FCHSD2: variants seen among roughly 807,000 people sequenced by gnomAD.
FCHSD2 encodes FCH and double SH3 domains 2.
A neutral mutation model predicts 108.1 loss-of-function variants in FCHSD2; 38 were observed. The ratio of observed to expected loss-of-function variants is 0.35; its 90% CI spans 0.27 to 0.46. The LOEUF is 0.46. Among genes scored for constraint, FCHSD2 ranks in the 20% least tolerant of loss-of-function variants. The pLI is 1.00. For synonymous variants in FCHSD2, 279 were observed against 314.7 expected (o/e 0.89, Z 1.20); for missense variants, 751 against 897.8 (o/e 0.84, Z 2.09).
At chr11:72,969,166 T>A (rs1192182631) in intron 8 of FCHSD2, among the ~76,000 whole-genome samples, 1 of 152,216 alleles carries the variant, frequency 6.6e-6, no homozygotes, top group Non-Finnish European at 1.5e-5. Context: ...AACTGTCCAG[T>A]GTAGCCATGT....
chr11:73,027,580 C>A (rs1251266207), intron 3 of FCHSD2, among the ~76,000 whole-genome samples: 1 of 152,182 alleles, frequency 6.6e-6, no homozygotes, highest in African/African-American at 2.4e-5. Context: ...AAAAGAAAAA[C>A]CAATTTTCTG....
intron 13 of FCHSD2, among the ~76,000 whole-genome samples, chr11:72,856,111 T>A (rs1265984741): frequency 6.6e-6 from 1 of 152,172 alleles, no homozygotes; most frequent in Non-Finnish European, 1.5e-5. Flanking sequence ...AGCCATTACA[T>A]TAATTAATTA....
intron 8 of FCHSD2, among the ~76,000 whole-genome samples, chr11:72,954,411 G>A (rs1856675861): frequency 6.6e-6 from 1 of 151,670 alleles, no homozygotes. Flanking sequence ...GTCTCACATT[G>A]CCCAGGATGA....
In FCHSD2 at chr11:72,841,515, G is replaced by A; in HGVS notation, c.1995C>T (p.Ser665=). 6.2e-7 allele frequency: 1 copy of A among 1,611,266 alleles called. No individual in the cohort carries two copies. ...TCCTCTTATCTGGGCTGGGGTAGGG[G>A]CTGCTGGGAGGCTGGTCGTACAACG... ...PLPLYDQPPS[S]PYPSPDKRSS... is the part of the protein sequence containing the mutation. Residue 665 remains serine, a synonymous_variant, in exon 18 of 20, where the codon AGC becomes AGT. Transcript: ENST00000409418.
At chr11:72,965,958 A>G (rs953263599) in intron 8 of FCHSD2, among the ~76,000 whole-genome samples, 4 of 152,234 alleles carry the variant, frequency 2.6e-5, no homozygotes, top group African/African-American at 9.6e-5. Context: ...TCTCAAAAAT[A>G]TAAACATCGG....
At chr11:72,841,342 A>AG in intron 18 of FCHSD2, 112 bp downstream of exon 18, 1 of 88,258 alleles carries the variant, frequency 1.1e-5, no homozygotes, top group East Asian at 2.7e-4. Flanking sequence ...TCTGTCTCCA[A>AG]AAAAAAAAAA....
Position 72,950,704 on chromosome 11 carries a change from T to C in FCHSD2, c.706-28754A>G, listed in dbSNP as rs374057481. ...ATTTGTAGTTTTTCCTTATTTCTTT[T>C]AGGATATTTTAATTTTTCATTTATA... On this transcript the variant is annotated intron_variant, in intron 8 of 19. Transcript: ENST00000409418. Among the ~76,000 whole-genome samples, 6 of 152,336 alleles carry C rather than the reference T, an allele frequency of 3.9e-5. No homozygotes were observed. The South Asian group carries it at 1.2e-3, about 32-fold the overall frequency.
At chr11:73,077,103 AAAAAAAAAAAGAAAAAGAAAAAAAAG>A in intron 3 of FCHSD2, among the ~76,000 whole-genome samples, 1 of 150,940 alleles carries the variant, frequency 6.6e-6, no homozygotes, top group South Asian at 2.1e-4. Context: ...GTCTCAAAAA[AAAAAAAAAAAGAAAAAGAAAAAAAAG>A]AAAAAAAAAA....
chr11:73,088,515 G>T (rs1859877683), intron 2 of FCHSD2, among the ~76,000 whole-genome samples: 1 of 151,678 alleles, frequency 6.6e-6, no homozygotes, highest in Admixed American at 6.6e-5. Flanking sequence ...GTTTTCTCTG[G>T]GTCATGGTAT....
At chr11:73,078,453 G>T (rs990040477) in intron 3 of FCHSD2, among the ~76,000 whole-genome samples, 11 of 152,114 alleles carry the variant, frequency 7.2e-5, no homozygotes, top group African/African-American at 2.7e-4. Flanking sequence ...TTCTCTATCA[G>T]TATAAATTGT....
At chr11:73,120,559 G>A (rs1468533537) in intron 2 of FCHSD2, among the ~76,000 whole-genome samples, 3 of 151,874 alleles carry the variant, frequency 2.0e-5, no homozygotes, top group East Asian at 1.9e-4. Flanking sequence ...GTGAAACCCC[G>A]TCTCTACTAA....
At chr11:72,983,795 T>C in intron 8 of FCHSD2, 4 of 497,080 alleles carry the variant, frequency 8.0e-6, no homozygotes, top group Non-Finnish European at 1.6e-5. Flanking sequence ...TTTTATTTCT[T>C]ACATCACTCT....
chr11:72,843,613 G>T, intron 14 of FCHSD2, 81 bp from the exon 15 acceptor site: 1 of 862,100 alleles, frequency 1.2e-6, no homozygotes, highest in Non-Finnish European at 1.9e-6. Flanking sequence ...AAAAACTGGG[G>T]ATCAAAATAT....
chr11:72,970,762 G>A (rs763466871), intron 8 of FCHSD2, among the ~76,000 whole-genome samples: 3 of 152,126 alleles, frequency 2.0e-5, no homozygotes, highest in Non-Finnish European at 4.4e-5. Flanking sequence ...AAGAAAGGCC[G>A]CTGAACCTCT....
chr11:73,126,336 T>C (rs202179623), intron 2 of FCHSD2, among the ~76,000 whole-genome samples: 1 of 10,136 alleles, frequency 9.9e-5, no homozygotes, highest in African/African-American at 3.6e-4. Flanking sequence ...CAAGATTCCA[T>C]CTTAAAAAAA....
At chr11:73,053,416 C>G (rs936099460) in intron 3 of FCHSD2, among the ~76,000 whole-genome samples, 1 of 152,080 alleles carries the variant, frequency 6.6e-6, no homozygotes, top group Non-Finnish European at 1.5e-5. Context: ...AAAAAAATCA[C>G]TTGCTTCACC....
intron 3 of FCHSD2, among the ~76,000 whole-genome samples, chr11:73,071,378 G>A (rs1859431455): frequency 6.6e-6 from 1 of 152,008 alleles, no homozygotes; most frequent in Non-Finnish European, 1.5e-5. Flanking sequence ...ATGCACCTCA[G>A]ACTGCCAATG....
intron 12 of FCHSD2, among the ~76,000 whole-genome samples, chr11:72,880,030 A>T (rs1855050399): frequency 1.4e-5 from 2 of 146,286 alleles, no homozygotes; most frequent in South Asian, 4.3e-4. Context: ...AAGTAATCCT[A>T]TTTAAAATAG....
At chr11:73,036,941 C>T (rs147711868) in intron 3 of FCHSD2, among the ~76,000 whole-genome samples, 138 of 152,286 alleles carry the variant, frequency 9.1e-4, no homozygotes, top group African/African-American at 3.0e-3. Context: ...TCTGTTAACG[C>T]GGATCTGTAA....
Sources: gnomAD v4.1 joint callset for allele counts (sites outside exome capture counted in the v4.1 genomes callset) on GRCh38, gnomAD v4.1.1 for gene constraint, MANE v1.5 for transcripts, NCBI Gene and HGNC (gene_info 2026-07-23, HGNC 2026-07-21) for gene names.